The following MTHFD1L variants were observed in gnomAD, a reference collection of about 807,000 sequenced individuals.
MTHFD1L encodes the protein methylenetetrahydrofolate dehydrogenase (NADP+ dependent) 1 like, also known as monofunctional C1-tetrahydrofolate synthase, mitochondrial.
Under a neutral mutation model 119.5 loss-of-function variants are expected in MTHFD1L, and 81 were observed. That is an observed-to-expected ratio of 0.68 (90% confidence interval 0.57 to 0.82). The LOEUF is 0.82. Among genes scored for constraint, MTHFD1L ranks in the 40% least tolerant of loss-of-function variants. The pLI is 0.00. For missense variants in MTHFD1L, 1,125 were observed against 1,253.4 expected, an observed-to-expected ratio of 0.90 and a Z score of 1.55; for synonymous variants, 430 against 475.2, an observed-to-expected ratio of 0.90 and a Z score of 1.24.
intron 8 of MTHFD1L, among the ~76,000 whole-genome samples, chr6:150,911,902 C>T (rs566685833): frequency 3.3e-4 from 50 of 152,246 alleles, no homozygotes; most frequent in Non-Finnish European, 7.1e-4. Context: ...GAAAACCACC[C>T]CCATGATTCA....
At chr6:150,907,705 T>G in intron 8 of MTHFD1L, among the ~76,000 whole-genome samples, 1 of 149,980 alleles carries the variant, frequency 6.7e-6, no homozygotes, top group East Asian at 1.9e-4. Flanking sequence ...GCATGTCCCT[T>G]TCCCACCATC....
intron 20 of MTHFD1L, among the ~76,000 whole-genome samples, chr6:150,984,594 A>G (rs999292014): frequency 6.6e-6 from 1 of 151,670 alleles, no homozygotes; most frequent in Non-Finnish European, 1.5e-5. Context: ...AAAGGAAGAT[A>G]AATAAAGTAA....
At chr6:151,069,063 T>A (rs1052867590) in intron 26 of MTHFD1L, among the ~76,000 whole-genome samples, 2 of 152,100 alleles carry the variant, frequency 1.3e-5, no homozygotes, top group Non-Finnish European at 2.9e-5. Flanking sequence ...TTTGGAGCAG[T>A]CTTGGTGAAA....
At position 150,968,655 on chromosome 6, in the gene MTHFD1L, G is replaced by A. The variant is rs371182142; in HGVS notation, c.2014-3292G>A. Among the ~76,000 whole-genome samples, 178 of 151,272 alleles carry A rather than the reference G, an allele frequency of 1.2e-3. 2 individuals carry two copies. The East Asian group carries it at 0.029, about 24-fold the overall frequency. On this transcript the variant is annotated intron_variant, in intron 19 of 27. Coordinates refer to ENST00000367321, the MANE Select transcript of MTHFD1L (RefSeq NM_015440.5). ...CTCCCAGGTAGCTGGGATTATAGGC[G>A]CCTGCCACCACACCCGGCTAATTTT...
chr6:150,878,257 C>G (rs1192364161), intron 4 of MTHFD1L, among the ~76,000 whole-genome samples: 1 of 147,336 alleles, frequency 6.8e-6, no homozygotes, highest in Non-Finnish European at 1.5e-5. Flanking sequence ...CTCTCTCTCT[C>G]TTTTTTTTTT....
intron 11 of MTHFD1L, among the ~76,000 whole-genome samples, chr6:150,932,726 C>T (rs1791277661): frequency 6.6e-6 from 1 of 151,436 alleles, no homozygotes; most frequent in African/African-American, 2.4e-5. Flanking sequence ...TGAGATTGTG[C>T]CACTGCACTC....
At chr6:150,973,114 C>T (rs1034929695) in intron 20 of MTHFD1L, among the ~76,000 whole-genome samples, 27 of 152,242 alleles carry the variant, frequency 1.8e-4, no homozygotes, top group African/African-American at 6.5e-4. Context: ...ATTAACCACA[C>T]GTATACCTAT....
intron 16 of MTHFD1L, among the ~76,000 whole-genome samples, chr6:150,953,907 G>A (rs1457242640): frequency 6.6e-6 from 1 of 152,178 alleles, no homozygotes; most frequent in Non-Finnish European, 1.5e-5. Context: ...AGTGGTGGCT[G>A]AGGATACTAT....
At chr6:150,964,799 C>T (rs753978515) in intron 18 of MTHFD1L, among the ~76,000 whole-genome samples, 170 bp from the exon 19 acceptor site, 11 of 152,186 alleles carry the variant, frequency 7.2e-5, no homozygotes, top group Non-Finnish European at 1.6e-4. Context: ...GACATCCGTT[C>T]TCAGCTCTGG....
intron 8 of MTHFD1L, chr6:150,912,607 G>C: frequency 2.2e-6 from 1 of 460,472 alleles, no homozygotes; most frequent in Non-Finnish European, 4.5e-6. Context: ...TTAGTGAAAG[G>C]GTGGTTCTGA....
chr6:150,956,965 A>G (rs1049972111), intron 17 of MTHFD1L, among the ~76,000 whole-genome samples: 2 of 152,242 alleles, frequency 1.3e-5, no homozygotes, highest in Non-Finnish European at 2.9e-5. Context: ...GCAAACTGGA[A>G]TCATTGCCAT....
At chr6:150,920,884 T>G (rs1671588642) in intron 9 of MTHFD1L, among the ~76,000 whole-genome samples, 1 of 150,688 alleles carries the variant, frequency 6.6e-6, no homozygotes, top group Non-Finnish European at 1.5e-5. Flanking sequence ...GTGATTCTCC[T>G]GCCTCAGCCT....
intron 11 of MTHFD1L, 85 bp from the exon 12 acceptor site, chr6:150,936,719 C>T: frequency 6.7e-7 from 1 of 1,489,910 alleles, no homozygotes; most frequent in Non-Finnish European, 9.2e-7. Context: ...TGAGCACCCT[C>T]AGATTTGATT....
At chr6:150,980,853 C>T (rs897202214) in intron 20 of MTHFD1L, among the ~76,000 whole-genome samples, 8 of 151,982 alleles carry the variant, frequency 5.3e-5, no homozygotes, top group Admixed American at 1.3e-4. Context: ...TTATCGTTTC[C>T]GGGTGTGTGT....
intron 22 of MTHFD1L, among the ~76,000 whole-genome samples, chr6:151,014,536 G>C (rs1001194865): frequency 4.6e-5 from 7 of 152,168 alleles, no homozygotes; most frequent in African/African-American, 1.7e-4. Context: ...GTGGCGCCAG[G>C]GATCTGAGCC....
intron 27 of MTHFD1L, among the ~76,000 whole-genome samples, chr6:151,097,611 G>A (rs1428266995): frequency 6.6e-6 from 1 of 152,162 alleles, no homozygotes; most frequent in Non-Finnish European, 1.5e-5. Flanking sequence ...TGGCTGGGAG[G>A]AGGTTATGAA....
rs568121029 is a variant in MTHFD1L at position 150,979,192 on chromosome 6, T to C, written c.2125+7134T>C. 4.6e-5 allele frequency among the ~76,000 whole-genome samples: 7 copies of C among 152,286 alleles called. No individual in the cohort carries two copies. The East Asian group carries it at 1.2e-3, about 25-fold the overall frequency. ...GGCAGAGGCTGCAGTGAGCTGAGATTGTGCCATCGCACTCCAGCCTGGGCA... is the reference window on the plus strand; with the variant it reads ...GGCAGAGGCTGCAGTGAGCTGAGATCGTGCCATCGCACTCCAGCCTGGGCA... On this transcript the variant is annotated intron_variant, in intron 20 of 27. Transcript: ENST00000367321.
intron 10 of MTHFD1L, among the ~76,000 whole-genome samples, chr6:150,924,119 A>G (rs1789515204): frequency 6.6e-6 from 1 of 152,156 alleles, no homozygotes; most frequent in Non-Finnish European, 1.5e-5. Flanking sequence ...TGATTTCTAG[A>G]CCCACTGGGC....
intron 26 of MTHFD1L, among the ~76,000 whole-genome samples, chr6:151,058,781 T>C (rs999151728): frequency 5.9e-5 from 9 of 152,216 alleles, no homozygotes; most frequent in African/African-American, 2.2e-4. Flanking sequence ...TTTTTACTGT[T>C]TTAACTTATT....
Sources: allele counts gnomAD v4.1 joint callset (sites outside exome capture counted in the v4.1 genomes callset), GRCh38; gene constraint gnomAD v4.1.1; transcripts MANE v1.5; gene names NCBI Gene and HGNC (gene_info 2026-07-23, HGNC 2026-07-21).